The following HAMP variants were observed in gnomAD, a reference collection of about 807,000 sequenced individuals.
HAMP encodes hepcidin antimicrobial peptide, also known as hepcidin.
HAMP carries 5 observed loss-of-function variants against 7.8 expected under a neutral mutation model. The ratio of observed to expected loss-of-function variants is 0.64; its 90% CI spans 0.33 to 1.34. The LOEUF is 1.34. Ranked by LOEUF, HAMP falls within the 40% of genes most tolerant of loss-of-function variation. The probability of loss-of-function intolerance (pLI) is 0.05; values close to 1 mark genes in which losing one functional copy is unlikely to be tolerated. For missense variants in HAMP, 105 were observed against 104.1 expected (o/e 1.01, Z -0.04); for synonymous variants, 52 against 38.6 (o/e 1.35, Z -1.28).
rs764425153 is a variant in HAMP, at chr19:35,285,008, A to G, written c.221A>G (p.His74Arg). The change falls in exon 3 of 3, where the codon CAT becomes CGT. Residue 74 changes from histidine (H) to arginine (R), a missense_variant. His to Arg is a conservative substitution (Grantham distance 29). Transcript: ENST00000222304. ...PICIFCCGCC[H>R]RSKCGMCCKT ...TGCATTTTCTGCTGCGGCTGCTGTCATCGATCAAAGTGTGGGATGTGCTGC... is the reference window on the plus strand; with the variant it reads ...TGCATTTTCTGCTGCGGCTGCTGTCGTCGATCAAAGTGTGGGATGTGCTGC... 11 of 1,613,884 alleles carry G rather than the reference A, an allele frequency of 6.8e-6. No individual in the cohort carries two copies. The highest frequency in any genetic ancestry group is 1.1e-5 in the South Asian group (1 of 91,068).
In HAMP at chr19:35,285,048, A is replaced by T; in HGVS notation, c.*6A>T. The T allele has an allele frequency of 6.3e-7, 1 of 1,575,684 alleles. No individual in the cohort carries two copies. The highest frequency in any genetic ancestry group is 8.7e-7 in the Non-Finnish European group (1 of 1,144,824). ...GGATGTGCTGCAAGACGTAGAACCT[A>T]CCTGCCCTGCCCCCGTCCCCTCCCT... On this transcript the variant is annotated 3_prime_UTR_variant, in exon 3 of 3. Coordinates refer to ENST00000222304, the MANE Select transcript of HAMP (RefSeq NM_021175.4).
chr19:35,284,388 G>A (rs951455074), intron 1 of HAMP: 4 of 265,690 alleles, frequency 1.5e-5, no homozygotes, highest in African/African-American at 6.6e-5. Context: ...AAGGCTGCAG[G>A]GAGCTATGAC....
intron 1 of HAMP, chr19:35,283,194 T>A: frequency 5.4e-6 from 1 of 186,374 alleles, no homozygotes; most frequent in South Asian, 1.1e-4. Flanking sequence ...TTCTAGACAG[T>A]GGGGACGAGG....
In HAMP at chr19:35,285,068, C is replaced by G. The variant is rs552575526; in HGVS notation, c.*26C>G. 2 of 1,412,408 alleles carry G rather than the reference C, an allele frequency of 1.4e-6. No homozygotes were observed. The highest frequency in any genetic ancestry group is 1.7e-5 in the Admixed American group (1 of 59,810). The allele number at this position is 1,412,408 out of a possible 1,614,324, so 87.5% of individuals were successfully genotyped here. On this transcript the variant is annotated 3_prime_UTR_variant, in exon 3 of 3. Coordinates refer to ENST00000222304, the MANE Select transcript of HAMP (RefSeq NM_021175.4). ...AACCTACCTGCCCTGCCCCCGTCCC[C>G]TCCCTTCCTTATTTATTCCTGCTGC...
chr19:35,283,610 G>A (rs2066313382), intron 1 of HAMP: 3 of 152,356 alleles, frequency 2.0e-5, no homozygotes, highest in African/African-American at 7.2e-5. Flanking sequence ...CCTTCGTCTT[G>A]GAGGGTGAGA....
intron 1 of HAMP, chr19:35,284,232 C>T (rs564579852): frequency 1.1e-3 from 174 of 163,182 alleles, no homozygotes; most frequent in Non-Finnish European, 1.9e-3. Context: ...ATCAGTTGAG[C>T]CCAGGAGTTC....
chr19:35,283,501 G>A (rs2066312933), intron 1 of HAMP: 1 of 152,324 alleles, frequency 6.6e-6, no homozygotes, highest in Non-Finnish European at 1.5e-5. Flanking sequence ...AGCGTCCCAA[G>A]TAGCTGGGAC....
At position 35,284,922 on chromosome 19, in the gene HAMP, C is replaced by T; in HGVS notation, c.151-16C>T. 1 of 1,609,838 alleles carries T rather than the reference C, an allele frequency of 6.2e-7. No individual in the cohort carries two copies. The highest frequency in any genetic ancestry group is 8.5e-7 in the Non-Finnish European group (1 of 1,176,150). On this transcript the variant is annotated splice_polypyrimidine_tract_variant and intron_variant, in intron 2 of 2. Transcript: ENST00000222304. ...CTAAGGCCGGTTCCCTGCTCACATTCCCTTCCTTCCCACAGCCCATGTTCC... is the reference window on the plus strand; with the variant it reads ...CTAAGGCCGGTTCCCTGCTCACATTTCCTTCCTTCCCACAGCCCATGTTCC...
At position 35,282,670 on chromosome 19, in the gene HAMP, G is replaced by A; in HGVS notation, c.90+3G>A. 2 of 1,611,582 alleles carry A rather than the reference G, an allele frequency of 1.2e-6. No homozygotes were observed. Among genetic ancestry groups the A allele is most frequent in the Admixed American group, 1.7e-5 (1 of 60,036 alleles). ...GTGGCTCTGTTTTCCCACAACAGGT[G>A]AGAGCCCAGTGGCCTGGGTCCTTAG... On this transcript the variant is annotated splice_donor_region_variant and intron_variant, in intron 1 of 2. Coordinates refer to ENST00000222304, the MANE Select transcript of HAMP (RefSeq NM_021175.4).
intron 1 of HAMP, 32 bp downstream of exon 1, chr19:35,282,699 G>C (rs550427473): frequency 3.9e-6 from 6 of 1,540,400 alleles, no homozygotes; most frequent in Non-Finnish European, 5.4e-6. Context: ...TCCTTAGCAG[G>C]GCAGCAGGGA....
At chr19:35,283,796 CT>C (rs35629861) in intron 1 of HAMP, 599 of 141,594 alleles carry the variant, frequency 4.2e-3, no homozygotes, top group African/African-American at 0.01. Context: ...CCCCCATAAG[CT>C]TTTTTTTTTT....
Position 35,285,062 on chromosome 19 carries a change from C to T in HAMP, c.*20C>T, listed in dbSNP as rs367555049. ...ACGTAGAACCTACCTGCCCTGCCCC[C>T]GTCCCCTCCCTTCCTTATTTATTCC... On this transcript the variant is annotated 3_prime_UTR_variant, in exon 3 of 3. Transcript: ENST00000222304. 46 of 1,440,362 alleles carry T rather than the reference C, an allele frequency of 3.2e-5. No individual in the cohort carries two copies. Among genetic ancestry groups the T allele is most frequent in the Non-Finnish European group, 3.9e-5 (40 of 1,021,314 alleles). The allele number at this position is 1,440,362 out of a possible 1,614,324, so 89.2% of individuals were successfully genotyped here.
chr19:35,284,510 G>T (rs762500917), intron 1 of HAMP: 26 of 564,994 alleles, frequency 4.6e-5, no homozygotes, highest in Non-Finnish European at 6.7e-5. Context: ...ATGCAGGGAG[G>T]TGTGTTAGGA....
At chr19:35,283,901 T>A (rs2066314521) in intron 1 of HAMP, 1 of 151,778 alleles carries the variant, frequency 6.6e-6, no homozygotes, top group Non-Finnish European at 1.5e-5. Context: ...TTCAAGCAAT[T>A]CTCCTGCCTC....
intron 1 of HAMP, 46 bp from the exon 2 acceptor site, chr19:35,284,743 C>A (rs770800959): frequency 3.4e-6 from 5 of 1,479,110 alleles, no homozygotes; most frequent in Admixed American, 1.7e-5. Context: ...TCTCAGAGGT[C>A]CACTGGGCCC....
rs749023682 is a variant in HAMP, at chr19:35,284,942, T to C, written c.155T>C (p.Met52Thr). 3.1e-6 allele frequency: 5 copies of C among 1,612,860 alleles called. No homozygotes were observed. The East Asian group carries it at 8.9e-5, about 29-fold the overall frequency. Reference sequence around the variant, plus strand: ...ACATTCCCTTCCTTCCCACAGCCCATGTTCCAGAGGCGAAGGAGGCGAGAC... The same window carrying C: ...ACATTCCCTTCCTTCCCACAGCCCACGTTCCAGAGGCGAAGGAGGCGAGAC... ...RAGARASWMP[M>T]FQRRRRRDTH... Residue 52 changes from methionine (M) to threonine (T), a missense_variant, in exon 3 of 3, where the codon ATG becomes ACG. Physicochemically the swap from Met to Thr is moderately conservative, Grantham distance 81. Transcript: ENST00000222304.
At position 35,284,962 on chromosome 19, in the gene HAMP, C is replaced by T. The variant is rs779021719; in HGVS notation, c.175C>T (p.Arg59Ter). 8.7e-6 allele frequency: 14 copies of T among 1,613,442 alleles called. No homozygotes were observed. Among genetic ancestry groups the T allele is most frequent in the African/African-American group, 1.3e-5 (1 of 74,848 alleles). Residue 59 changes from arginine (R) to a stop codon, truncating the protein, a stop_gained, in exon 3 of 3, where the codon CGA (arginine) becomes TGA (stop). Transcript: ENST00000222304. LOFTEE classifies it low-confidence loss of function (END_TRUNC). The part of the protein sequence containing the change: ...WMPMFQRRRR[R>*]DTHFPICIFC... ...GCCCATGTTCCAGAGGCGAAGGAGG[C>T]GAGACACCCACTTCCCCATCTGCAT... is the stretch of plus-strand genomic sequence containing the variant.
chr19:35,284,481 A>G (rs1347683913), intron 1 of HAMP: 2 of 516,204 alleles, frequency 3.9e-6, no homozygotes, highest in African/African-American at 3.8e-5. Flanking sequence ...CTGTGTGGCA[A>G]ATGGATTGAG....
intron 1 of HAMP, chr19:35,284,412 T>C (rs1210695854): frequency 2.9e-6 from 1 of 344,422 alleles, no homozygotes. Context: ...GCCACTGCAC[T>C]CTGGCCTGGG....
Sources: gnomAD v4.1 joint callset for allele counts on GRCh38, gnomAD v4.1.1 for gene constraint, MANE v1.5 for transcripts, NCBI Gene and HGNC (gene_info 2026-07-23, HGNC 2026-07-21) for gene names.